DENND1A: variants seen among roughly 807,000 people sequenced by gnomAD.
DENND1A encodes DENN domain containing 1A, also known as DENN domain-containing protein 1A.
Under a neutral mutation model 113.7 loss-of-function variants are expected in DENND1A, and 51 were observed. The observed-to-expected ratio is 0.45, with a 90% CI of 0.36 to 0.57. The LOEUF is 0.57. DENND1A is among the 20% of genes least tolerant of loss of function. The pLI is 0.00. For missense variants in DENND1A, 1,258 were observed against 1,395.9 expected (o/e 0.90, Z 1.57); for synonymous variants, 565 against 570.8 (o/e 0.99, Z 0.14).
chr9:123,655,428 G>A (rs984333223), intron 8 of DENND1A, among the ~76,000 whole-genome samples: 2 of 152,080 alleles, frequency 1.3e-5, no homozygotes, highest in Non-Finnish European at 2.9e-5. Flanking sequence ...CGTAGCATGT[G>A]ACTCCAGAAA....
intron 10 of DENND1A, among the ~76,000 whole-genome samples, chr9:123,612,104 G>A (rs2060444650): frequency 6.6e-6 from 1 of 152,204 alleles, no homozygotes; most frequent in Non-Finnish European, 1.5e-5. Context: ...TTGTATGAAT[G>A]CAAATTTGGA....
At chr9:123,628,383 C>T (rs2061332514) in intron 10 of DENND1A, among the ~76,000 whole-genome samples, 1 of 151,768 alleles carries the variant, frequency 6.6e-6, no homozygotes, top group African/African-American at 2.4e-5. Flanking sequence ...GAGCTCACAC[C>T]AGACCATGGC....
intron 10 of DENND1A, among the ~76,000 whole-genome samples, chr9:123,610,194 C>T (rs2060349935): frequency 1.3e-5 from 2 of 152,220 alleles, no homozygotes; most frequent in South Asian, 2.1e-4. Context: ...ATTTTGGATA[C>T]ACCGGTCCTG....
Position 123,591,120 on chromosome 9 carries a change from C to G in DENND1A, c.766-7850G>C, listed in dbSNP as rs2059435742. Among the ~76,000 whole-genome samples, 3 of 152,222 alleles carry G rather than the reference C, an allele frequency of 2.0e-5. No homozygotes were observed. In the South Asian group the frequency reaches 6.2e-4, roughly 31 times the overall value. ...AAGGAGGGGGTCTGTTTGATAAACA[C>G]TCTATCTTTGGTGTCTTTTCTGTAG... On this transcript the variant is annotated intron_variant, in intron 11 of 23. Coordinates refer to ENST00000394215, the MANE Select transcript of DENND1A (RefSeq NM_001352964.2).
chr9:123,873,696 C>T (rs1380624283), intron 2 of DENND1A, among the ~76,000 whole-genome samples: 4 of 151,894 alleles, frequency 2.6e-5, no homozygotes, highest in African/African-American at 2.4e-5. Flanking sequence ...CAATAGAAAA[C>T]TAATATCCTT....
At chr9:123,385,708 C>T (rs938477495) in intron 22 of DENND1A, among the ~76,000 whole-genome samples, 1 of 152,190 alleles carries the variant, frequency 6.6e-6, no homozygotes, top group African/African-American at 2.4e-5. Context: ...CGGACTTACA[C>T]CCCCACCTTA....
At chr9:123,652,789 AAAC>A (rs1300643990) in intron 8 of DENND1A, among the ~76,000 whole-genome samples, 2 of 152,204 alleles carry the variant, frequency 1.3e-5, no homozygotes, top group East Asian at 3.8e-4. Flanking sequence ...AATTGAAGAC[AAAC>A]AGCAGCAAGT....
chr9:123,674,263 T>A (rs1374554145), intron 6 of DENND1A, among the ~76,000 whole-genome samples: 2 of 151,444 alleles, frequency 1.3e-5, no homozygotes, highest in Non-Finnish European at 2.9e-5. Flanking sequence ...CAAACAGATA[T>A]CCCAGTTACT....
At chr9:123,672,304 A>G (rs1337388156) in intron 6 of DENND1A, among the ~76,000 whole-genome samples, 1 of 152,192 alleles carries the variant, frequency 6.6e-6, no homozygotes, top group Non-Finnish European at 1.5e-5. Context: ...CAAATCAAAC[A>G]AGCTTCTCAG....
chr9:123,493,913 T>C (rs909941397), intron 13 of DENND1A, among the ~76,000 whole-genome samples: 1 of 152,048 alleles, frequency 6.6e-6, no homozygotes, highest in Non-Finnish European at 1.5e-5. Flanking sequence ...AAAGCAAACA[T>C]CTTGGGAGAA....
At chr9:123,596,200 G>T (rs1213656928) in intron 11 of DENND1A, among the ~76,000 whole-genome samples, 7 of 152,128 alleles carry the variant, frequency 4.6e-5, no homozygotes, top group Non-Finnish European at 1.0e-4. Context: ...CCCGCCTCAG[G>T]TTGTCATCTC....
intron 1 of DENND1A, among the ~76,000 whole-genome samples, chr9:123,899,954 G>C (rs1272487576): frequency 6.6e-6 from 1 of 152,204 alleles, no homozygotes; most frequent in African/African-American, 2.4e-5. Context: ...ATCACTGTAA[G>C]AATAACTGAC....
intron 12 of DENND1A, among the ~76,000 whole-genome samples, chr9:123,562,923 T>G (rs1190314157): frequency 6.6e-6 from 1 of 152,150 alleles, no homozygotes; most frequent in Non-Finnish European, 1.5e-5. Context: ...CTTGACTCAG[T>G]GTACTCATGC....
At chr9:123,514,065 G>GGTGTGCGTGTGT (rs2053670373) in intron 13 of DENND1A, among the ~76,000 whole-genome samples, 1 of 109,182 alleles carries the variant, frequency 9.2e-6, no homozygotes, top group Non-Finnish European at 2.2e-5. Flanking sequence ...TCTATTTTGA[G>GGTGTGCGTGTGT]GTGTGTGTGT....
Position 123,381,167 on chromosome 9 carries a change from C to G in DENND1A, c.*265G>C. 1.9e-6 allele frequency: 1 copy of G among 522,978 alleles called. No homozygotes were observed. Among genetic ancestry groups the G allele is most frequent in the Non-Finnish European group, 3.5e-6 (1 of 289,586 alleles). 32.4% of individuals were successfully genotyped at this position (522,978 alleles called of 1,614,324 possible). ...CAGCTGACCTCTTTAGTGCAAAACC[C>G]AATCAAGGGTGCCGAGGAGAGGCAA... is the stretch of plus-strand genomic sequence containing the variant. On this transcript the variant is annotated 3_prime_UTR_variant, in exon 24 of 24. Transcript: ENST00000394215. This position sits in a 1 kb window ranked among gnomAD's most constrained non-coding sequence, Gnocchi z 4.7.
chr9:123,681,895 T>C (rs2140217919), intron 5 of DENND1A, among the ~76,000 whole-genome samples: 1 of 147,700 alleles, frequency 6.8e-6, no homozygotes, highest in African/African-American at 2.5e-5. Flanking sequence ...GGGCTGGGGC[T>C]GGGAAATGCT....
intron 5 of DENND1A, among the ~76,000 whole-genome samples, chr9:123,684,778 A>C (rs1048321174): frequency 2.0e-5 from 3 of 152,236 alleles, no homozygotes; most frequent in African/African-American, 7.2e-5. Flanking sequence ...ATGCTTATTA[A>C]GACCCACCAG....
At chr9:123,480,667 A>G (rs569417658) in intron 13 of DENND1A, among the ~76,000 whole-genome samples, 2 of 152,114 alleles carry the variant, frequency 1.3e-5, no homozygotes, top group African/African-American at 4.8e-5. Context: ...CCTCTATCCT[A>G]TTAAATAAAA....
intron 5 of DENND1A, among the ~76,000 whole-genome samples, chr9:123,746,807 G>A (rs2069548665): frequency 6.6e-6 from 1 of 152,096 alleles, no homozygotes; most frequent in Admixed American, 6.5e-5. Context: ...TTTGTTTTCA[G>A]TGGTCACGGG....
Sources: gnomAD v4.1 joint callset for allele counts (sites outside exome capture counted in the v4.1 genomes callset) on GRCh38, gnomAD v4.1.1 for gene constraint, Gnocchi (gnomAD v3.1) non-coding constraint, MANE v1.5 for transcripts, NCBI Gene and HGNC (gene_info 2026-07-23, HGNC 2026-07-21) for gene names.